TMEM132D: variants seen among roughly 807,000 people sequenced by gnomAD.
The protein encoded by TMEM132D is transmembrane protein 132D.
Under a neutral mutation model 62.3 loss-of-function variants are expected in TMEM132D, and 21 were observed. The observed-to-expected ratio is 0.34, with a 90% CI of 0.24 to 0.49. The LOEUF (loss-of-function observed/expected upper bound fraction) is 0.49, where lower values mean the gene tolerates loss of function less well. Ranked by LOEUF, TMEM132D falls within the 20% of genes least tolerant of loss-of-function variation. The pLI is 0.99. For synonymous variants in TMEM132D, 621 were observed against 575.6 expected (o/e 1.08, Z -1.13); for missense variants, 1,346 against 1,402.8 (o/e 0.96, Z 0.65).
At chr12:129,477,150 G>A (rs12306750) in intron 3 of TMEM132D, among the ~76,000 whole-genome samples, 1,665 of 152,244 alleles carry the variant, frequency 0.011, 26 homozygotes, top group African/African-American at 0.038. Flanking sequence ...CTTTACCCAT[G>A]AGATGCCAGC....
intron 3 of TMEM132D, among the ~76,000 whole-genome samples, chr12:129,428,270 G>C (rs1872554844): frequency 6.6e-6 from 1 of 152,218 alleles, no homozygotes; most frequent in African/African-American, 2.4e-5. Flanking sequence ...TTTACATAAA[G>C]ATGTTACAGC....
chr12:129,305,788 G>A (rs753505072), intron 4 of TMEM132D, among the ~76,000 whole-genome samples: 22 of 152,066 alleles, frequency 1.4e-4, no homozygotes, highest in Non-Finnish European at 2.4e-4. Flanking sequence ...TACAAGGTCC[G>A]GTCCACGCAA....
chr12:129,262,487 G>A (rs1484845883), intron 4 of TMEM132D: 1 of 152,284 alleles, frequency 6.6e-6, no homozygotes, highest in African/African-American at 2.4e-5. Flanking sequence ...GGTAAGAGCT[G>A]TGGGACTCTG....
chr12:129,640,241 C>T (rs1003801137), intron 2 of TMEM132D, among the ~76,000 whole-genome samples: 5 of 152,096 alleles, frequency 3.3e-5, no homozygotes, highest in African/African-American at 9.7e-5. Context: ...GCCAAGGAAT[C>T]GTCTTTGTAA....
chr12:129,816,921 A>T (rs1042549645), intron 1 of TMEM132D, among the ~76,000 whole-genome samples: 5 of 152,260 alleles, frequency 3.3e-5, no homozygotes, highest in Non-Finnish European at 5.9e-5. Context: ...ACATAAATAG[A>T]TACCATATTT....
intron 2 of TMEM132D, among the ~76,000 whole-genome samples, chr12:129,634,257 G>C (rs1879421660): frequency 6.6e-6 from 1 of 151,932 alleles, no homozygotes; most frequent in Non-Finnish European, 1.5e-5. Context: ...AGGATGGCTT[G>C]AGGTCAGGAG....
chr12:129,376,512 G>T (rs1184968116), intron 3 of TMEM132D, among the ~76,000 whole-genome samples: 1 of 152,118 alleles, frequency 6.6e-6, no homozygotes, highest in African/African-American at 2.4e-5. Flanking sequence ...GACACACGGG[G>T]ATTATGGGAG....
At chr12:129,202,207 T>G (rs1878723926) in intron 5 of TMEM132D, among the ~76,000 whole-genome samples, 1 of 152,214 alleles carries the variant, frequency 6.6e-6, no homozygotes, top group Non-Finnish European at 1.5e-5. Flanking sequence ...ATAAAAAGAC[T>G]GGGGCCTTTA....
chr12:129,531,656 C>G (rs1033152949), intron 2 of TMEM132D, among the ~76,000 whole-genome samples: 4 of 152,164 alleles, frequency 2.6e-5, no homozygotes, highest in African/African-American at 9.7e-5. Flanking sequence ...TCTATATTAT[C>G]TGATCTTCCT....
chr12:129,305,907 GA>G (rs1173742426), intron 4 of TMEM132D, among the ~76,000 whole-genome samples: 1 of 152,046 alleles, frequency 6.6e-6, no homozygotes, highest in Non-Finnish European at 1.5e-5. Flanking sequence ...AGCAGAGAGA[GA>G]AAAAAATCAT....
chr12:129,293,961 G>T (rs1412889591), intron 4 of TMEM132D, among the ~76,000 whole-genome samples: 2 of 152,186 alleles, frequency 1.3e-5, no homozygotes, highest in Non-Finnish European at 2.9e-5. Flanking sequence ...CAAAAATGAA[G>T]AGGAGAGGGG....
intron 1 of TMEM132D, among the ~76,000 whole-genome samples, chr12:129,780,021 AGTTAGGAGTGTGAAGAGCC>A (rs140648207): frequency 0.032 from 4,846 of 151,982 alleles, 119 homozygotes; most frequent in South Asian, 0.092. Flanking sequence ...CAGGTTTCAC[AGTTAGGAGTGTGAAGAGCC>A]GACTCCACAC....
intron 1 of TMEM132D, among the ~76,000 whole-genome samples, chr12:129,847,320 T>C (rs988678565): frequency 9.2e-5 from 14 of 152,212 alleles, no homozygotes; most frequent in African/African-American, 2.7e-4. Context: ...GCTGGCACTT[T>C]CTGTTCAATT....
chr12:129,377,418 G>A lies in TMEM132D; in HGVS notation c.1116-39601C>T, dbSNP rs551085484. Among the ~76,000 whole-genome samples the A allele has an allele frequency of 5.9e-5, 9 of 152,270 alleles. No individual in the cohort carries two copies. In the South Asian group the frequency reaches 1.9e-3, roughly 32 times the overall value. On this transcript the variant is annotated intron_variant, in intron 3 of 8. Coordinates refer to ENST00000422113, the MANE Select transcript of TMEM132D (RefSeq NM_133448.3). ...TCCAAGGTGTCATAATTCAAGATGG[G>A]GTGTGAGTCAAGGGGAGGTCTTAGA...
chr12:129,157,606 C>G (rs1258130260), intron 5 of TMEM132D, among the ~76,000 whole-genome samples: 1 of 152,190 alleles, frequency 6.6e-6, no homozygotes, highest in Non-Finnish European at 1.5e-5. Flanking sequence ...GCAAACTTTA[C>G]AAATGCAAAT....
At chr12:129,482,841 TAC>T (rs1169613915) in intron 3 of TMEM132D, among the ~76,000 whole-genome samples, 1 of 152,160 alleles carries the variant, frequency 6.6e-6, no homozygotes, top group South Asian at 2.1e-4. Flanking sequence ...CCTGGGTTAA[TAC>T]AGTTAACCCA....
At chr12:129,355,076 T>C (rs1377107757) in intron 3 of TMEM132D, among the ~76,000 whole-genome samples, 1 of 152,204 alleles carries the variant, frequency 6.6e-6, no homozygotes, top group East Asian at 1.9e-4. Context: ...TAAAATCTTC[T>C]ACCAACTCTT....
In TMEM132D at chr12:129,846,955, T is replaced by A. The variant is rs193129331; in HGVS notation, c.79+56306A>T. Reference sequence around the variant, plus strand: ...TCTCCCTTGGCCTTAGTTTCTTGTATGCCTGGGAAACTTTTCCACTGGACA... The same window carrying A: ...TCTCCCTTGGCCTTAGTTTCTTGTAAGCCTGGGAAACTTTTCCACTGGACA... On this transcript the variant is annotated intron_variant, in intron 1 of 8. Coordinates refer to ENST00000422113, the MANE Select transcript of TMEM132D (RefSeq NM_133448.3). Among the ~76,000 whole-genome samples the A allele has an allele frequency of 8.2e-4, 125 of 152,336 alleles. 1 individual carries two copies. The highest frequency in any genetic ancestry group is 2.4e-3 in the African/African-American group (101 of 41,588).
chr12:129,445,499 T>C (rs933440442), intron 3 of TMEM132D, among the ~76,000 whole-genome samples: 5 of 152,202 alleles, frequency 3.3e-5, no homozygotes, highest in Admixed American at 1.3e-4. Context: ...TGTAAGCCTC[T>C]AGATTCTGGG....
Sources: gnomAD v4.1 joint callset for allele counts (sites outside exome capture counted in the v4.1 genomes callset) on GRCh38, gnomAD v4.1.1 for gene constraint, MANE v1.5 for transcripts, NCBI Gene and HGNC (gene_info 2026-07-23, HGNC 2026-07-21) for gene names.